The following PARD3B variants were observed in gnomAD, a reference collection of about 807,000 sequenced individuals.
PARD3B encodes par-3 family cell polarity regulator beta.
PARD3B carries 103 observed loss-of-function variants against 130.2 expected under a neutral mutation model. The observed-to-expected ratio is 0.79, with a 90% CI of 0.67 to 0.93. The LOEUF is 0.93. PARD3B is among the 40% of genes least tolerant of loss of function. The pLI, the probability that PARD3B is intolerant of heterozygous loss-of-function variation, is 0.00. For missense variants in PARD3B, 1,609 were observed against 1,499.2 expected (o/e 1.07, Z -1.21); for synonymous variants, 583 against 553.2 (o/e 1.05, Z -0.76).
chr2:204,848,483 T>TA (rs1032564683), intron 2 of PARD3B, among the ~76,000 whole-genome samples: 3 of 151,142 alleles, frequency 2.0e-5, no homozygotes, highest in Non-Finnish European at 3.0e-5. Flanking sequence ...AAAATAAAAA[T>TA]AAAAAAAAAT....
intron 14 of PARD3B, among the ~76,000 whole-genome samples, chr2:205,192,813 G>A (rs773742296): frequency 2.6e-5 from 4 of 152,138 alleles, no homozygotes; most frequent in Admixed American, 6.5e-5. Flanking sequence ...TTTAAAATAG[G>A]CATAGCTTAG....
intron 2 of PARD3B, among the ~76,000 whole-genome samples, chr2:204,774,630 T>C (rs1008615127): frequency 1.3e-5 from 2 of 152,180 alleles, no homozygotes; most frequent in Non-Finnish European, 2.9e-5. Context: ...ACTAGCCTAC[T>C]TTTTGATTGC....
In PARD3B at chr2:204,765,749, CTAA is replaced by C. The variant is rs142543840; in HGVS notation, c.222+79472_222+79474del. 5.9e-3 allele frequency among the ~76,000 whole-genome samples: 893 copies of C among 152,236 alleles called. 11 individuals carry two copies. Among genetic ancestry groups the C allele is most frequent in the African/African-American group, 0.021 (858 of 41,556 alleles). ...TTATCAGGTGCCCTTAGGCTACAAACTAATAATGGAGGAAATGGCCCTGAATCT... is the reference window on the plus strand; with the variant it reads ...TTATCAGGTGCCCTTAGGCTACAAACTAATGGAGGAAATGGCCCTGAATCT... On this transcript the variant is annotated intron_variant, in intron 2 of 22. Coordinates refer to ENST00000406610, the MANE Select transcript of PARD3B (RefSeq NM_001302769.2).
At chr2:205,578,346 T>A (rs1222743189) in intron 22 of PARD3B, among the ~76,000 whole-genome samples, 2 of 152,198 alleles carry the variant, frequency 1.3e-5, no homozygotes, top group African/African-American at 4.8e-5. Context: ...GTCAATACCA[T>A]GACCATGCAC....
intron 16 of PARD3B, among the ~76,000 whole-genome samples, chr2:205,283,576 T>G (rs1374379276): frequency 1.3e-5 from 2 of 152,228 alleles, no homozygotes; most frequent in African/African-American, 2.4e-5. Context: ...TAGTCTTTTC[T>G]TTTTCTGTGA....
intron 1 of PARD3B, among the ~76,000 whole-genome samples, chr2:204,632,245 T>G (rs1399141812): frequency 1.3e-5 from 2 of 152,164 alleles, no homozygotes; most frequent in Non-Finnish European, 2.9e-5. Context: ...CCTTCTGCCA[T>G]GATTGTAAGT....
At chr2:204,619,673 C>G (rs961744166) in intron 1 of PARD3B, among the ~76,000 whole-genome samples, 1 of 152,112 alleles carries the variant, frequency 6.6e-6, no homozygotes, top group Non-Finnish European at 1.5e-5. Context: ...TCTAAGACCA[C>G]GTGAACCGAT....
intron 16 of PARD3B, among the ~76,000 whole-genome samples, chr2:205,294,465 T>C (rs2041718287): frequency 6.6e-6 from 1 of 152,090 alleles, no homozygotes; most frequent in South Asian, 2.1e-4. Context: ...TGACTATTTG[T>C]TTGTGAAAGA....
rs115484457 is a variant in PARD3B at position 205,397,549 on chromosome 2, C to G, written c.2631-3464C>G. On this transcript the variant is annotated intron_variant, in intron 18 of 22. Coordinates refer to ENST00000406610, the MANE Select transcript of PARD3B (RefSeq NM_001302769.2). This position sits in a 1 kb window ranked among gnomAD's most constrained non-coding sequence, Gnocchi z 4.8. ...ATAATTTATTGGGTGTGGTAATAAA[C>G]ATCAAGGTAGGCTAGGAAATGGTTA... Among the ~76,000 whole-genome samples the G allele has an allele frequency of 0.025, 3,830 of 152,126 alleles. 149 individuals are homozygous for G. Among genetic ancestry groups the G allele is most frequent in the African/African-American group, 0.086 (3,557 of 41,496 alleles).
At chr2:205,535,976 A>C (rs559159537) in intron 21 of PARD3B, among the ~76,000 whole-genome samples, 25 of 152,314 alleles carry the variant, frequency 1.6e-4, no homozygotes, top group African/African-American at 6.0e-4. Flanking sequence ...CTGGGGTAGG[A>C]TTGAGACGTA....
intron 20 of PARD3B, among the ~76,000 whole-genome samples, chr2:205,489,522 T>TATATACATATATATATAC (rs1559141351): frequency 2.4e-5 from 3 of 126,424 alleles, no homozygotes; most frequent in East Asian, 4.6e-4. Flanking sequence ...TATATATATA[T>TATATACATATATATATAC]ACACACATAT....
At chr2:204,657,786 T>C (rs1004358199) in intron 1 of PARD3B, among the ~76,000 whole-genome samples, 5 of 152,212 alleles carry the variant, frequency 3.3e-5, no homozygotes, top group African/African-American at 1.2e-4. Context: ...TGTATGATCA[T>C]AATTTTTCTC....
At chr2:204,692,079 A>G (rs998976141) in intron 2 of PARD3B, among the ~76,000 whole-genome samples, 1 of 152,124 alleles carries the variant, frequency 6.6e-6, no homozygotes, top group Admixed American at 6.6e-5. Context: ...CTTAAGCCAA[A>G]TTGCTTTCTG....
intron 15 of PARD3B, among the ~76,000 whole-genome samples, chr2:205,231,564 T>C (rs1283325343): frequency 6.6e-6 from 1 of 151,724 alleles, no homozygotes; most frequent in Non-Finnish European, 1.5e-5. Context: ...GTCAAACTTC[T>C]GGACTCAAGT....
At position 205,125,793 on chromosome 2, in the gene PARD3B, A is replaced by G. The variant is rs1010411545; in HGVS notation, c.1434+56A>G. 2.8e-5 allele frequency: 45 copies of G among 1,594,850 alleles called. No homozygotes were observed. Among genetic ancestry groups the G allele is most frequent in the African/African-American group, 1.6e-4 (12 of 74,410 alleles). On this transcript the variant is annotated intron_variant, in intron 10 of 22. Transcript: ENST00000406610. The surrounding 1 kb of genome is among the most constrained non-coding windows in gnomAD (Gnocchi z 4.0). The stretch of plus-strand genomic sequence containing the variant: ...TTTAATGCCGAGCTTAATACACTCA[A>G]TGAACTCATTATAGCTGAGAAACGA...
chr2:204,990,044 T>C (rs1300626948), intron 3 of PARD3B, among the ~76,000 whole-genome samples: 1 of 152,122 alleles, frequency 6.6e-6, no homozygotes, highest in South Asian at 2.1e-4. Context: ...AACTACTAAA[T>C]GTAAAATAGA....
At chr2:204,831,876 C>T (rs926458280) in intron 2 of PARD3B, among the ~76,000 whole-genome samples, 4 of 151,974 alleles carry the variant, frequency 2.6e-5, no homozygotes, top group African/African-American at 9.7e-5. Context: ...GGTATATGAA[C>T]TCCTGAGTAT....
intron 2 of PARD3B, among the ~76,000 whole-genome samples, chr2:204,862,582 A>G (rs1019394238): frequency 1.3e-5 from 2 of 152,216 alleles, no homozygotes; most frequent in African/African-American, 4.8e-5. Flanking sequence ...TATAAGGTTT[A>G]TACTACATCA....
rs1360182820 is a variant in PARD3B at position 205,176,535 on chromosome 2, C to A, written c.1882C>A (p.Leu628Met). ...TTSRRNDNSI[L>M]HPLGTCSPQD... ...CTCTAGGCGAAATGATAATAGTATC[C>A]TGCATCCACTTGGCACTTGCAGTCC... The change falls in exon 13 of 23, where the codon CTG (leucine) becomes ATG (methionine). Residue 628 changes from leucine (L) to methionine (M), a missense_variant. Leu to Met is a conservative substitution (Grantham distance 15, BLOSUM62 2). Transcript: ENST00000406610. This position sits in a 1 kb window ranked among gnomAD's most constrained non-coding sequence, Gnocchi z 5.3. 1.2e-6 allele frequency: 2 copies of A among 1,612,142 alleles called. No individual in the cohort carries two copies. The highest frequency in any genetic ancestry group is 1.7e-6 in the Non-Finnish European group (2 of 1,178,810).
Sources: gnomAD v4.1 joint callset for allele counts (sites outside exome capture counted in the v4.1 genomes callset) on GRCh38, gnomAD v4.1.1 for gene constraint, Gnocchi (gnomAD v3.1) non-coding constraint, MANE v1.5 for transcripts, NCBI Gene and HGNC (gene_info 2026-07-23, HGNC 2026-07-21) for gene names.